The following MEDAG variants were observed in gnomAD, a reference collection of about 807,000 sequenced individuals.
The protein encoded by MEDAG is mesenteric estrogen-dependent adipogenesis protein.
In MEDAG, 25 loss-of-function variants were observed where a neutral mutation model predicts 29.9. The ratio of observed to expected loss-of-function variants is 0.84; its 90% CI spans 0.61 to 1.17. MEDAG has a LOEUF of 1.17. MEDAG is among the 50% of genes most tolerant of loss of function. MEDAG has a pLI of 0.00. For missense variants in MEDAG, 398 were observed against 372.9 expected (o/e 1.07, Z -0.56); for synonymous variants, 158 against 148.2 (o/e 1.07, Z -0.48).
In MEDAG at chr13:30,916,942, G is replaced by A. The variant is rs75336533; in HGVS notation, c.279-461G>A. Among the ~76,000 whole-genome samples the A allele has an allele frequency of 5.4e-3, 828 of 152,210 alleles. 4 individuals are homozygous for A. The highest frequency in any genetic ancestry group is 0.019 in the African/African-American group (773 of 41,508). On this transcript the variant is annotated intron_variant, in intron 1 of 4. Coordinates refer to ENST00000380482, the MANE Select transcript of MEDAG (RefSeq NM_032849.4). ...GGTTGATTCTGTAATCTATGGAGGG[G>A]GCTGGTTTATCTTGGGATTAGTGGG...
intron 4 of MEDAG, 177 bp downstream of exon 4, chr13:30,922,023 C>T: frequency 1.6e-6 from 1 of 643,430 alleles, no homozygotes; most frequent in Non-Finnish European, 2.5e-6. Context: ...AATGCAGTGA[C>T]TTTTCCTTTT....
In MEDAG at chr13:30,921,966, A is replaced by G. The variant is rs186185892; in HGVS notation, c.787+120A>G. 26 of 1,111,410 alleles carry G rather than the reference A, an allele frequency of 2.3e-5. No individual in the cohort carries two copies. The East Asian group carries it at 6.5e-4, about 28-fold the overall frequency. The allele number at this position is 1,111,410 out of a possible 1,614,324, so 68.8% of individuals were successfully genotyped here. On this transcript the variant is annotated intron_variant, in intron 4 of 4. Coordinates refer to ENST00000380482, the MANE Select transcript of MEDAG (RefSeq NM_032849.4). ...CCTATTAATGAAAGGGAAATAGATC[A>G]CAAAATTCAGAAAGTAAGAAGTGGG...
At chr13:30,919,799 G>T (rs1050401857) in intron 2 of MEDAG, among the ~76,000 whole-genome samples, 11 of 152,180 alleles carry the variant, frequency 7.2e-5, no homozygotes, top group African/African-American at 2.7e-4. Context: ...GAGAACACAG[G>T]TATCTATGTG....
chr13:30,924,312 T>G lies in MEDAG; in HGVS notation c.789T>G (p.Gly263=). 6.2e-7 allele frequency: 1 copy of G among 1,613,226 alleles called. No individual in the cohort carries two copies. The highest frequency in any genetic ancestry group is 8.5e-7 in the Non-Finnish European group (1 of 1,179,588). ...SDRKFSVTSR[G]SIDDVFNCNL... is the part of the protein sequence containing the mutation. ...CATGCTTTGTTTACTGTTTTTTAGG[T>G]TCAATAGATGATGTTTTTAACTGCA... The change falls in exon 5 of 5, where the codon GGT becomes GGG. Residue 263 remains glycine, a splice_region_variant and synonymous_variant. Transcript: ENST00000380482.
In MEDAG at chr13:30,924,502, G is replaced by T; in HGVS notation, c.*67G>T. On this transcript the variant is annotated 3_prime_UTR_variant, in exon 5 of 5. Coordinates refer to ENST00000380482, the MANE Select transcript of MEDAG (RefSeq NM_032849.4). ...TGTGCTAGACTATAGGCTGGGGGGA[G>T]GGTAGGAGGTGGGAGGCAGATACTT... is the stretch of plus-strand genomic sequence containing the variant. The T allele has an allele frequency of 1.3e-6, 2 of 1,509,082 alleles. No individual in the cohort carries two copies. 93.5% of individuals were successfully genotyped at this position (1,509,082 alleles called of 1,614,324 possible).
intron 2 of MEDAG, among the ~76,000 whole-genome samples, chr13:30,918,683 TA>T (rs1381630264): frequency 2.6e-5 from 4 of 152,212 alleles, no homozygotes; most frequent in African/African-American, 4.8e-5. Flanking sequence ...CTAACATTCT[TA>T]AAATGAGTCC....
chr13:30,913,078 A>G (rs1952896112), intron 1 of MEDAG, among the ~76,000 whole-genome samples: 1 of 152,258 alleles, frequency 6.6e-6, no homozygotes. Context: ...GAAGTCCCTC[A>G]AGGTCATAGT....
chr13:30,918,161 A>C (rs1287290590), intron 2 of MEDAG, among the ~76,000 whole-genome samples: 2 of 152,224 alleles, frequency 1.3e-5, no homozygotes, highest in Non-Finnish European at 2.9e-5. Flanking sequence ...TGGAGGTTGC[A>C]GAAATGACTA....
chr13:30,917,343 C>G, intron 1 of MEDAG, 60 bp from the exon 2 acceptor site: 1 of 1,014,302 alleles, frequency 9.9e-7, no homozygotes, highest in African/African-American at 1.6e-5. Flanking sequence ...CCAGTACATC[C>G]CCTTCCTAAT....
rs1953023649 is a variant in MEDAG at position 30,924,572 on chromosome 13, G to A, written c.*137G>A. 3 of 870,734 alleles carry A rather than the reference G, an allele frequency of 3.4e-6. 1 individual carries two copies. The South Asian group carries it at 5.7e-5, about 17-fold the overall frequency. 53.9% of individuals were successfully genotyped at this position (870,734 alleles called of 1,614,324 possible). On this transcript the variant is annotated 3_prime_UTR_variant, in exon 5 of 5. Coordinates refer to ENST00000380482, the MANE Select transcript of MEDAG (RefSeq NM_032849.4). The stretch of plus-strand genomic sequence containing the variant: ...CGGCTCCTCCATGGCTTCTATGGAG[G>A]ACTCCTCTCTTCTGCTTCTGTGGAT...
Position 30,921,593 on chromosome 13 carries a change from C to T in MEDAG, c.534C>T (p.Phe178=). Residue 178 remains phenylalanine (F), a synonymous_variant, in exon 4 of 5, where the codon TTC becomes TTT. Transcript: ENST00000380482. ...TTCAAGAGGCAGTGAAGAATTTCTT[C>T]CCCCCAGGAAATGAAGTGGTTAATG... ...FDFQEAVKNF[F]PPGNEVVNGE... is the part of the protein sequence containing the mutation. The T allele has an allele frequency of 1.9e-6, 3 of 1,606,496 alleles. No homozygotes were observed. The highest frequency in any genetic ancestry group is 2.3e-5 in the South Asian group (2 of 88,776).
At chr13:30,915,649 C>G (rs773986088) in intron 1 of MEDAG, among the ~76,000 whole-genome samples, 2 of 151,638 alleles carry the variant, frequency 1.3e-5, no homozygotes, top group South Asian at 2.1e-4. Flanking sequence ...TGTGCAACAC[C>G]AGCACCACTC....
chr13:30,917,344 C>A, intron 1 of MEDAG, 59 bp from the exon 2 acceptor site: 2 of 1,029,292 alleles, frequency 1.9e-6, no homozygotes, highest in South Asian at 2.5e-5. Context: ...CAGTACATCC[C>A]CTTCCTAATT....
chr13:30,920,650 C>A (rs73453471), intron 2 of MEDAG, among the ~76,000 whole-genome samples: 1 of 151,946 alleles, frequency 6.6e-6, no homozygotes, highest in Non-Finnish European at 1.5e-5. Context: ...CCAGCTATCT[C>A]GATCTTCCAC....
chr13:30,918,286 G>A (rs1952948914), intron 2 of MEDAG, among the ~76,000 whole-genome samples: 1 of 152,144 alleles, frequency 6.6e-6, no homozygotes, highest in Non-Finnish European at 1.5e-5. Context: ...TATCAATTCA[G>A]GACGTTATGA....
At chr13:30,912,418 T>C (rs955038177) in intron 1 of MEDAG, among the ~76,000 whole-genome samples, 1 of 152,136 alleles carries the variant, frequency 6.6e-6, no homozygotes, top group Non-Finnish European at 1.5e-5. Flanking sequence ...ATTATGATGG[T>C]GGCAAGCAGT....
intron 2 of MEDAG, among the ~76,000 whole-genome samples, chr13:30,918,527 T>C (rs1329767834): frequency 6.6e-6 from 1 of 152,236 alleles, no homozygotes; most frequent in Non-Finnish European, 1.5e-5. Flanking sequence ...AGAAATCAGA[T>C]TAGCTGGTAG....
intron 4 of MEDAG, among the ~76,000 whole-genome samples, chr13:30,923,075 C>T (rs1953004211): frequency 6.6e-6 from 1 of 152,108 alleles, no homozygotes; most frequent in African/African-American, 2.4e-5. Context: ...TGTGTGCCAC[C>T]ATACCCAGCT....
chr13:30,908,433 A>G (rs972084125), intron 1 of MEDAG, among the ~76,000 whole-genome samples: 5 of 152,226 alleles, frequency 3.3e-5, no homozygotes, highest in African/African-American at 1.2e-4. Context: ...GTCCTCAGGC[A>G]GGGAAGGAGG....
Sources: allele counts gnomAD v4.1 joint callset (sites outside exome capture counted in the v4.1 genomes callset), GRCh38; gene constraint gnomAD v4.1.1; transcripts MANE v1.5; gene names NCBI Gene and HGNC (gene_info 2026-07-23, HGNC 2026-07-21).